Variants in ADGRL3 observed in about 807,000 individuals in gnomAD.
ADGRL3 encodes adhesion G protein-coupled receptor L3, also known as calcium-independent alpha-latrotoxin receptor 3.
A neutral mutation model predicts 153.5 loss-of-function variants in ADGRL3; 62 were observed. The ratio of observed to expected loss-of-function variants is 0.40; its 90% confidence interval spans 0.33 to 0.50. The LOEUF (loss-of-function observed/expected upper bound fraction) is 0.50, where lower values mean the gene tolerates loss of function less well. ADGRL3 is among the 20% of genes least tolerant of loss of function. ADGRL3 has a pLI of 0.47. For missense variants in ADGRL3, 1,641 were observed against 1,859.4 expected, an observed-to-expected ratio of 0.88 and a Z score of 2.16; for synonymous variants, 710 against 672.5, an observed-to-expected ratio of 1.06 and a Z score of -0.86.
chr4:61,494,536 A>G (rs1006305255), intron 2 of ADGRL3, among the ~76,000 whole-genome samples: 2 of 152,188 alleles, frequency 1.3e-5, no homozygotes, highest in African/African-American at 4.8e-5. Flanking sequence ...ATTGCTTTCA[A>G]AATTTCTTTT....
chr4:61,266,670 G>A (rs1240723178), intron 1 of ADGRL3, among the ~76,000 whole-genome samples: 1 of 151,668 alleles, frequency 6.6e-6, no homozygotes, highest in East Asian at 1.9e-4. Context: ...TGTCATAATT[G>A]TCATTTCGAA....
intron 1 of ADGRL3, among the ~76,000 whole-genome samples, chr4:61,230,995 T>G (rs1197236325): frequency 6.6e-6 from 1 of 152,174 alleles, no homozygotes; most frequent in African/African-American, 2.4e-5. Context: ...TATGCTTATT[T>G]AAAAATTACT....
At chr4:61,424,702 T>C (rs2097255186) in intron 2 of ADGRL3, among the ~76,000 whole-genome samples, 1 of 152,176 alleles carries the variant, frequency 6.6e-6, no homozygotes, top group Non-Finnish European at 1.5e-5. Flanking sequence ...TGCAGCACCA[T>C]CTTTCATCTT....
chr4:61,554,655 T>A (rs2148870863), intron 4 of ADGRL3, among the ~76,000 whole-genome samples: 1 of 152,340 alleles, frequency 6.6e-6, no homozygotes, highest in South Asian at 2.1e-4. Context: ...GAGTAGCACA[T>A]GCTTTTAAAC....
intron 9 of ADGRL3, among the ~76,000 whole-genome samples, chr4:61,859,742 C>T (rs1018630778): frequency 3.9e-5 from 6 of 152,108 alleles, no homozygotes; most frequent in African/African-American, 1.4e-4. Flanking sequence ...GACTATGTGT[C>T]TGCGATAATG....
intron 6 of ADGRL3, among the ~76,000 whole-genome samples, chr4:61,685,584 A>C (rs1162407058): frequency 6.6e-6 from 1 of 152,104 alleles, no homozygotes; most frequent in South Asian, 2.1e-4. Flanking sequence ...CAAGGCAGAG[A>C]GGACAGCTCC....
At chr4:61,830,278 T>C (rs973717674) in intron 9 of ADGRL3, among the ~76,000 whole-genome samples, 3 of 152,068 alleles carry the variant, frequency 2.0e-5, no homozygotes, top group African/African-American at 7.2e-5. Context: ...GGCAGAAGGA[T>C]TGCTTGAGCT....
Position 61,857,817 on chromosome 4 carries a change from A to G in ADGRL3, c.1481-34839A>G, listed in dbSNP as rs371269394. Among the ~76,000 whole-genome samples the G allele has an allele frequency of 7.2e-5, 11 of 152,004 alleles. No individual in the cohort carries two copies. The South Asian group carries it at 1.0e-3, about 14-fold the overall frequency. ...ATTCATAGTTCACCAGGCTCAAGCA[A>G]TCCTCTCGCCTCAGCCTCCCAATTA... On this transcript the variant is annotated intron_variant, in intron 9 of 26. Transcript: ENST00000683033.
chr4:61,316,263 A>G (rs2095209505), intron 1 of ADGRL3, among the ~76,000 whole-genome samples: 1 of 152,186 alleles, frequency 6.6e-6, no homozygotes, highest in Non-Finnish European at 1.5e-5. Flanking sequence ...GAGCCCTGAA[A>G]CAAACAAATT....
At chr4:61,288,504 C>T (rs2094035995) in intron 1 of ADGRL3, among the ~76,000 whole-genome samples, 1 of 151,834 alleles carries the variant, frequency 6.6e-6, no homozygotes, top group Non-Finnish European at 1.5e-5. Flanking sequence ...TAACAACACT[C>T]AAAGATAGAA....
chr4:61,362,863 G>GA (rs1053253974), intron 1 of ADGRL3, among the ~76,000 whole-genome samples: 7 of 151,226 alleles, frequency 4.6e-5, no homozygotes, highest in Non-Finnish European at 1.0e-4. Flanking sequence ...ATATGATTTT[G>GA]AAAAAAAACC....
At chr4:61,231,220 A>G (rs1750507522) in intron 1 of ADGRL3, among the ~76,000 whole-genome samples, 1 of 152,116 alleles carries the variant, frequency 6.6e-6, no homozygotes, top group Admixed American at 6.6e-5. Context: ...ACCTCAATTG[A>G]TATTATCTCA....
chr4:61,804,035 C>A (rs903862620), intron 8 of ADGRL3, among the ~76,000 whole-genome samples: 1 of 152,128 alleles, frequency 6.6e-6, no homozygotes, highest in African/African-American at 2.4e-5. Flanking sequence ...AGCATTTTAG[C>A]ACACAGAGGG....
intron 17 of ADGRL3, among the ~76,000 whole-genome samples, chr4:61,976,198 G>A (rs1298791898): frequency 6.6e-6 from 1 of 152,116 alleles, no homozygotes; most frequent in Non-Finnish European, 1.5e-5. Context: ...AGGTGATTGA[G>A]TTATATAGTG....
rs138684818 is a variant in ADGRL3 at position 61,989,847 on chromosome 4, T to C, written c.3236+6244T>C. On this transcript the variant is annotated intron_variant, in intron 19 of 26. Transcript: ENST00000683033. ...ACATCTAAAGATCATGTATAATATA[T>C]GATGACTTTGTCCACTAGGATGGCT... 3.3e-5 allele frequency among the ~76,000 whole-genome samples: 5 copies of C among 152,126 alleles called. No individual in the cohort carries two copies. In the East Asian group the frequency reaches 9.7e-4, roughly 29 times the overall value.
chr4:61,611,960 A>T (rs2091414569), intron 5 of ADGRL3, among the ~76,000 whole-genome samples: 1 of 151,988 alleles, frequency 6.6e-6, no homozygotes, highest in Non-Finnish European at 1.5e-5. Context: ...CTTTTAAGTA[A>T]CTCATTTGCC....
At chr4:61,684,134 A>C (rs2095399046) in intron 6 of ADGRL3, among the ~76,000 whole-genome samples, 1 of 152,184 alleles carries the variant, frequency 6.6e-6, no homozygotes, top group Non-Finnish European at 1.5e-5. Flanking sequence ...CCTGTATGCT[A>C]TGATTTCTCT....
At position 61,431,791 on chromosome 4, in the gene ADGRL3, A is replaced by G. The variant is rs188351057; in HGVS notation, c.-174+48602A>G. ...AGTTCTTGTCTGCTAAAATCATGTAACACTTCAAAGATTAAACTCTTAAAT... is the reference window on the plus strand; with the variant it reads ...AGTTCTTGTCTGCTAAAATCATGTAGCACTTCAAAGATTAAACTCTTAAAT... On this transcript the variant is annotated intron_variant, in intron 2 of 26. Coordinates refer to ENST00000683033, the MANE Select transcript of ADGRL3 (RefSeq NM_001387552.1). 2.6e-5 allele frequency among the ~76,000 whole-genome samples: 4 copies of G among 152,332 alleles called. No homozygotes were observed. The East Asian group carries it at 7.7e-4, about 29-fold the overall frequency.
At chr4:61,277,760 G>C (rs2093538490) in intron 1 of ADGRL3, among the ~76,000 whole-genome samples, 1 of 152,112 alleles carries the variant, frequency 6.6e-6, no homozygotes, top group Non-Finnish European at 1.5e-5. Context: ...AAAAAAGACT[G>C]TTGTGAGGAT....
Sources: allele counts gnomAD v4.1 joint callset (sites outside exome capture counted in the v4.1 genomes callset), GRCh38; gene constraint gnomAD v4.1.1; transcripts MANE v1.5; gene names NCBI Gene and HGNC (gene_info 2026-07-23, HGNC 2026-07-21).